The following BIN3 variants were observed in gnomAD, a reference collection of about 807,000 sequenced individuals.
BIN3 encodes bridging integrator 3.
Under a neutral mutation model 38.2 loss-of-function variants are expected in BIN3, and 41 were observed. The observed-to-expected ratio is 1.07, with a 90% CI of 0.84 to 1.39. BIN3 has a LOEUF of 1.39. BIN3 is among the 40% of genes most tolerant of loss of function. The pLI is 0.00. For missense variants in BIN3, 361 were observed against 324.3 expected, an observed-to-expected ratio of 1.11 and a Z score of -0.87; for synonymous variants, 145 against 122.6, an observed-to-expected ratio of 1.18 and a Z score of -1.21.
At chr8:22,640,779 G>C (rs748364495) in intron 2 of BIN3, among the ~76,000 whole-genome samples, 2 of 151,962 alleles carry the variant, frequency 1.3e-5, no homozygotes, top group Non-Finnish European at 2.9e-5. Context: ...GGACTGCTTG[G>C]ACTTGTACCG....
Position 22,629,972 on chromosome 8 carries a change from G to C in BIN3, c.330C>G (p.Pro110=), listed in dbSNP as rs757914404. 5.5e-5 allele frequency: 89 copies of C among 1,608,660 alleles called. No homozygotes were observed. Among genetic ancestry groups the C allele is most frequent in the Non-Finnish European group, 7.2e-5 (85 of 1,177,384 alleles). Residue 110 remains proline (P), a synonymous_variant, in exon 6 of 9, where the codon CCC becomes CCG. Coordinates refer to ENST00000276416, the MANE Select transcript of BIN3 (RefSeq NM_018688.6). ...AGGTGACATTTACTCACTTTTTTAA[G>C]GGCTCGATCACAGTCTTCTGGATCT... ...VNQIQKTVIE[P]LKKFGSVFPS... is the part of the protein sequence containing the mutation.
chr8:22,632,251 T>C (rs919267541), intron 4 of BIN3, among the ~76,000 whole-genome samples: 4 of 152,180 alleles, frequency 2.6e-5, no homozygotes, highest in Non-Finnish European at 2.9e-5. Context: ...TAGCACTCCA[T>C]GGCATGAACC....
intron 1 of BIN3, among the ~76,000 whole-genome samples, chr8:22,649,855 AC>A (rs1802831472): frequency 5.1e-5 from 7 of 135,950 alleles, no homozygotes; most frequent in African/African-American, 1.9e-4. Context: ...ACACACACAC[AC>A]ACCCCCAAAG....
At position 22,624,046 on chromosome 8, in the gene BIN3, G is replaced by A. The variant is rs539144238; in HGVS notation, c.484C>T (p.Arg162Ter). The change falls in exon 8 of 9, where the codon CGA (arginine) becomes TGA (stop). Residue 162 changes from arginine (R) to a stop codon, truncating the protein, a stop_gained. Transcript: ENST00000276416. LOFTEE classifies it high-confidence loss of function. ...TCCCGCACAGGCCGCAGCTCCTCTC[G>A]TGCCTAGGGAACAAGACCTGGGTGT... ...GPVLAKLHQA[R>*]EELRPVREDF... 26 of 1,612,736 alleles carry A rather than the reference G, an allele frequency of 1.6e-5. No homozygotes were observed. Among genetic ancestry groups the A allele is most frequent in the South Asian group, 3.3e-5 (3 of 91,038 alleles).
intron 2 of BIN3, chr8:22,644,524 T>A: frequency 5.8e-6 from 3 of 515,464 alleles, no homozygotes; most frequent in Non-Finnish European, 7.1e-6. Flanking sequence ...CCATTCCCCC[T>A]GCCCAAGGAT....
chr8:22,649,078 C>A (rs1164108254), intron 1 of BIN3, among the ~76,000 whole-genome samples: 1 of 152,168 alleles, frequency 6.6e-6, no homozygotes, highest in East Asian at 1.9e-4. Flanking sequence ...ATGTTCTCAA[C>A]CTTACTTTTC....
chr8:22,662,026 C>T (rs1803252099), intron 1 of BIN3, among the ~76,000 whole-genome samples: 1 of 152,206 alleles, frequency 6.6e-6, no homozygotes, highest in Non-Finnish European at 1.5e-5. Flanking sequence ...AACTCCTGAC[C>T]TCAACTGATC....
At chr8:22,630,736 C>G (rs542067788) in intron 4 of BIN3, among the ~76,000 whole-genome samples, 158 bp from the exon 5 acceptor site, 1 of 152,226 alleles carries the variant, frequency 6.6e-6, no homozygotes, top group Non-Finnish European at 1.5e-5. Context: ...CAACCACAAG[C>G]TGCTGATCCC....
intron 1 of BIN3, among the ~76,000 whole-genome samples, chr8:22,655,038 T>C (rs1403217531): frequency 1.3e-5 from 2 of 152,246 alleles, no homozygotes; most frequent in Non-Finnish European, 2.9e-5. Context: ...ATTTCTGATG[T>C]GCATTTCTCT....
intron 6 of BIN3, among the ~76,000 whole-genome samples, chr8:22,628,917 G>C (rs1441123688): frequency 1.3e-5 from 2 of 152,210 alleles, no homozygotes; most frequent in Non-Finnish European, 2.9e-5. Context: ...GGGCTGCGCT[G>C]TCCCCAGCAG....
At chr8:22,662,835 T>C (rs1429028681) in intron 1 of BIN3, among the ~76,000 whole-genome samples, 1 of 152,156 alleles carries the variant, frequency 6.6e-6, no homozygotes, top group East Asian at 1.9e-4. Context: ...AGGTGGGTCA[T>C]TCTTTAAAAA....
rs1032769080 is a variant in BIN3 at position 22,649,844 on chromosome 8, C to T, written c.9-5041G>A. Reference sequence around the variant, plus strand: ...ACACACACACACACACACACACACACACACACACACACACCCCCAAAGGAA... The same window carrying T: ...ACACACACACACACACACACACACATACACACACACACACCCCCAAAGGAA... On this transcript the variant is annotated intron_variant, in intron 1 of 8. Coordinates refer to ENST00000276416, the MANE Select transcript of BIN3 (RefSeq NM_018688.6). Among the ~76,000 whole-genome samples, 156 of 136,528 alleles carry T rather than the reference C, an allele frequency of 1.1e-3. 1 individual carries two copies. The highest frequency in any genetic ancestry group is 6.0e-3 in the East Asian group (27 of 4,528). The allele number at this position is 136,528 out of a possible 152,430, so 89.6% of individuals were successfully genotyped here. A position where few individuals can be genotyped will look rare whatever the true frequency, so the allele number is the denominator to read the frequency against.
chr8:22,625,251 C>G (rs1296090844), intron 6 of BIN3: 2 of 698,498 alleles, frequency 2.9e-6, no homozygotes, highest in South Asian at 3.0e-5. Context: ...TCCTGAGGCT[C>G]TCGCTGCTGC....
chr8:22,625,184 C>T (rs1801965374), intron 6 of BIN3: 1 of 631,514 alleles, frequency 1.6e-6, no homozygotes, highest in South Asian at 1.8e-5. Flanking sequence ...CGCTGCAGGT[C>T]CACACCGGCC....
intron 4 of BIN3, chr8:22,634,594 C>T (rs1241307612): frequency 2.2e-6 from 1 of 453,758 alleles, no homozygotes; most frequent in African/African-American, 2.0e-5. Context: ...TTCCTCGTAA[C>T]TGCAGTACCA....
chr8:22,660,371 T>C (rs1463507160), intron 1 of BIN3, among the ~76,000 whole-genome samples: 2 of 152,256 alleles, frequency 1.3e-5, no homozygotes, highest in Non-Finnish European at 2.9e-5. Flanking sequence ...TCCATTCCGA[T>C]GGGCTGACAG....
intron 5 of BIN3, 149 bp from the exon 6 acceptor site, chr8:22,630,153 G>T: frequency 9.9e-7 from 1 of 1,013,484 alleles, no homozygotes; most frequent in Non-Finnish European, 1.5e-6. Flanking sequence ...CAGGGTGGAG[G>T]CCGGGTGGCT....
At chr8:22,631,635 T>A (rs935238611) in intron 4 of BIN3, among the ~76,000 whole-genome samples, 1 of 152,284 alleles carries the variant, frequency 6.6e-6, no homozygotes, top group South Asian at 2.1e-4. Flanking sequence ...CTGCTCTCCT[T>A]CTGATCTGGC....
Position 22,621,405 on chromosome 8 carries a change from C to CCAAGA in BIN3, c.*12_*16dup. ...AGGCTGACCACGTCACAGGAGTCCTCCAAGAGTGACGGGGATTCAGTCATC... is the reference window on the plus strand; with the variant it reads ...AGGCTGACCACGTCACAGGAGTCCTCCAAGACAAGAGTGACGGGGATTCAGTCATC... On this transcript the variant is annotated 3_prime_UTR_variant, in exon 9 of 9. Transcript: ENST00000276416. The CCAAGA allele has an allele frequency of 6.2e-7, 1 of 1,609,202 alleles. No individual in the cohort carries two copies. Among genetic ancestry groups the CCAAGA allele is most frequent in the East Asian group, 2.2e-5 (1 of 44,746 alleles).
Sources: allele counts gnomAD v4.1 joint callset (sites outside exome capture counted in the v4.1 genomes callset), GRCh38; gene constraint gnomAD v4.1.1; transcripts MANE v1.5; gene names NCBI Gene and HGNC (gene_info 2026-07-23, HGNC 2026-07-21).